The following HECW1 variants were observed in gnomAD, a reference collection of about 807,000 sequenced individuals.
The protein encoded by HECW1 is E3 ubiquitin-protein ligase HECW1.
Under a neutral mutation model 182.3 loss-of-function variants are expected in HECW1, and 61 were observed. The ratio of observed to expected loss-of-function variants is 0.33; its 90% CI spans 0.27 to 0.41. The LOEUF (loss-of-function observed/expected upper bound fraction) is 0.41. HECW1 is among the 10% of genes least tolerant of loss of function. The pLI, the probability that HECW1 is intolerant of heterozygous loss-of-function variation, is 1.00. For missense variants in HECW1, 1,739 were observed against 2,108.9 expected (o/e 0.82, Z 3.44); for synonymous variants, 859 against 832.6 (o/e 1.03, Z -0.55).
chr7:43,547,832 G>A (rs1022023647), intron 26 of HECW1, among the ~76,000 whole-genome samples: 1 of 152,162 alleles, frequency 6.6e-6, no homozygotes, highest in South Asian at 2.1e-4. Context: ...GGCCCTTCGT[G>A]TGGGTCCCAC....
intron 4 of HECW1, among the ~76,000 whole-genome samples, 178 bp from the exon 5 acceptor site, chr7:43,320,457 G>A (rs1809959851): frequency 6.6e-6 from 1 of 152,200 alleles, no homozygotes; most frequent in African/African-American, 2.4e-5. Context: ...GGCATAAAAA[G>A]CGTTTGGTCC....
chr7:43,271,581 A>G (rs1802413175), intron 3 of HECW1, among the ~76,000 whole-genome samples: 1 of 152,214 alleles, frequency 6.6e-6, no homozygotes, highest in African/African-American at 2.4e-5. Flanking sequence ...AGCCAAATTA[A>G]GAATGCAATC....
intron 8 of HECW1, among the ~76,000 whole-genome samples, chr7:43,409,056 C>A (rs888477548): frequency 2.6e-5 from 4 of 152,160 alleles, no homozygotes; most frequent in Non-Finnish European, 5.9e-5. Context: ...TTCAAGCATC[C>A]TTGACAAGAA....
At chr7:43,310,800 A>T (rs1036394537) in intron 3 of HECW1, among the ~76,000 whole-genome samples, 3 of 152,222 alleles carry the variant, frequency 2.0e-5, no homozygotes, top group Non-Finnish European at 4.4e-5. Context: ...TCTAAACTTC[A>T]TGAGTCAACA....
chr7:43,466,152 A>AGAAG (rs974898991), intron 14 of HECW1, among the ~76,000 whole-genome samples: 1 of 147,842 alleles, frequency 6.8e-6, no homozygotes, highest in Admixed American at 6.7e-5. Context: ...AGAGAGAGAA[A>AGAAG]GAAGGAAGGA....
intron 2 of HECW1, among the ~76,000 whole-genome samples, chr7:43,134,722 AT>A (rs34083261): frequency 0.58 from 87,885 of 151,152 alleles, 26,370 homozygotes; most frequent in African/African-American, 0.74. Flanking sequence ...TATTTGGGGG[AT>A]TTTTTTTTCT....
At chr7:43,458,864 A>T (rs2077486272) in intron 13 of HECW1, among the ~76,000 whole-genome samples, 1 of 152,222 alleles carries the variant, frequency 6.6e-6, no homozygotes, top group Non-Finnish European at 1.5e-5. Flanking sequence ...TCAGTGTTGC[A>T]AGGAGTTTCC....
At chr7:43,191,177 A>G (rs1365557241) in intron 2 of HECW1, among the ~76,000 whole-genome samples, 1 of 152,158 alleles carries the variant, frequency 6.6e-6, no homozygotes, top group Admixed American at 6.5e-5. Flanking sequence ...CACTACCTAA[A>G]TCCTGGGCTA....
At chr7:43,189,386 C>T (rs1260683148) in intron 2 of HECW1, among the ~76,000 whole-genome samples, 1 of 87,892 alleles carries the variant, frequency 1.1e-5, no homozygotes, top group Non-Finnish European at 2.6e-5. Context: ...TGCTGGTCCA[C>T]AGATTACACA....
At chr7:43,173,846 ATTT>A (rs34302457) in intron 2 of HECW1, among the ~76,000 whole-genome samples, 1 of 145,386 alleles carries the variant, frequency 6.9e-6, no homozygotes, top group African/African-American at 2.5e-5. Context: ...GTTTTAAATG[ATTT>A]TTTTTTTTTT....
intron 26 of HECW1, among the ~76,000 whole-genome samples, chr7:43,547,092 A>C (rs2081595056): frequency 6.6e-6 from 1 of 152,230 alleles, no homozygotes; most frequent in Non-Finnish European, 1.5e-5. Flanking sequence ...ACCTGTTTCT[A>C]AAATTATCAA....
At chr7:43,188,800 A>C (rs2152681900) in intron 2 of HECW1, among the ~76,000 whole-genome samples, 1 of 152,330 alleles carries the variant, frequency 6.6e-6, no homozygotes, top group African/African-American at 2.4e-5. Context: ...TGGAGGGGGA[A>C]GAACTGGGGA....
chr7:43,442,650 A>C lies in HECW1; in HGVS notation c.1045+21A>C, dbSNP rs573503736. 2.6e-6 allele frequency: 4 copies of C among 1,517,470 alleles called. No individual in the cohort carries two copies. The Admixed American group carries it at 6.7e-5, about 25-fold the overall frequency. The allele number at this position is 1,517,470 out of a possible 1,614,324, so 94.0% of individuals were successfully genotyped here. On this transcript the variant is annotated intron_variant, in intron 10 of 29. Transcript: ENST00000395891. ...CCCAGGTATTTTCAGCATGAACTTC[A>C]TGTCTTGTCCTAGGCTAGTGTCATA... is the stretch of plus-strand genomic sequence containing the variant.
chr7:43,148,995 T>C (rs370769327), intron 2 of HECW1, among the ~76,000 whole-genome samples: 3 of 152,076 alleles, frequency 2.0e-5, no homozygotes, highest in African/African-American at 7.2e-5. Flanking sequence ...AGAATTCCAA[T>C]TGATAAACAT....
chr7:43,448,278 T>C (rs903181266), intron 11 of HECW1, among the ~76,000 whole-genome samples: 1 of 152,246 alleles, frequency 6.6e-6, no homozygotes, highest in Admixed American at 6.5e-5. Context: ...CAGGCTAGTA[T>C]TCTTTTCATA....
At chr7:43,513,014 G>A (rs2079954814) in intron 24 of HECW1, among the ~76,000 whole-genome samples, 1 of 152,136 alleles carries the variant, frequency 6.6e-6, no homozygotes, top group African/African-American at 2.4e-5. Flanking sequence ...CTCTATTGGA[G>A]CAGAGACACT....
intron 3 of HECW1, among the ~76,000 whole-genome samples, chr7:43,284,502 C>CA (rs1165081149): frequency 0.04 from 2,158 of 53,746 alleles, 46 homozygotes; most frequent in Middle Eastern, 0.096. Flanking sequence ...CCCATTTCTA[C>CA]AAAAAAAAAA....
intron 2 of HECW1, among the ~76,000 whole-genome samples, chr7:43,174,612 C>T (rs576213193): frequency 1.8e-4 from 28 of 152,208 alleles, no homozygotes; most frequent in Non-Finnish European, 3.7e-4. Flanking sequence ...CACGTCAAAG[C>T]TTCACTATTT....
At chr7:43,425,801 G>A (rs2076346190) in intron 8 of HECW1, among the ~76,000 whole-genome samples, 1 of 152,152 alleles carries the variant, frequency 6.6e-6, no homozygotes, top group African/African-American at 2.4e-5. Context: ...TATGAGGGCA[G>A]AGCCTTCATG....
Sources: allele counts gnomAD v4.1 joint callset (sites outside exome capture counted in the v4.1 genomes callset), GRCh38; gene constraint gnomAD v4.1.1; transcripts MANE v1.5; gene names NCBI Gene and HGNC (gene_info 2026-07-23, HGNC 2026-07-21).